MACROD2: variants seen among roughly 807,000 people sequenced by gnomAD.
The protein encoded by MACROD2 is mono-ADP ribosylhydrolase 2, also known as ADP-ribose glycohydrolase MACROD2.
In MACROD2, 36 loss-of-function variants were observed where a neutral mutation model predicts 70.4. The observed-to-expected ratio is 0.51, with a 90% CI of 0.39 to 0.68. MACROD2 has a LOEUF of 0.68. Ranked by LOEUF, MACROD2 falls within the 30% of genes least tolerant of loss-of-function variation. MACROD2 has a pLI of 0.00. For synonymous variants in MACROD2, 172 were observed against 178.8 expected (o/e 0.96, Z 0.30); for missense variants, 496 against 538.4 (o/e 0.92, Z 0.78).
At chr20:15,767,297 T>C (rs543869508) in intron 8 of MACROD2, among the ~76,000 whole-genome samples, 2 of 152,338 alleles carry the variant, frequency 1.3e-5, no homozygotes, top group South Asian at 4.2e-4. Flanking sequence ...CTGGGGACAC[T>C]GTATTCAACC....
chr20:15,582,628 T>G (rs149439999), intron 8 of MACROD2, among the ~76,000 whole-genome samples: 2 of 152,352 alleles, frequency 1.3e-5, no homozygotes, highest in African/African-American at 2.4e-5. Flanking sequence ...CTACTTCTTT[T>G]ATGTCTTTTG....
intron 7 of MACROD2, among the ~76,000 whole-genome samples, chr20:15,458,640 A>T (rs2327919): frequency 0.5 from 64,300 of 128,232 alleles, 14,492 homozygotes; most frequent in African/African-American, 0.61. Context: ...TTTTTTTTTT[A>T]AAAAAAAAAA....
chr20:15,518,980 T>A lies in MACROD2; in HGVS notation c.645+19133T>A, dbSNP rs998114149. 3.9e-5 allele frequency among the ~76,000 whole-genome samples: 6 copies of A among 152,224 alleles called. No individual in the cohort carries two copies. In the South Asian group the frequency reaches 1.2e-3, roughly 31 times the overall value. On this transcript the variant is annotated intron_variant, in intron 8 of 17. Coordinates refer to ENST00000684519, the MANE Select transcript of MACROD2 (RefSeq NM_001351661.2). ...TTCAGTAAGAGTTAACATTTACTAT[T>A]TTCTATGTGCCGGACATTGTGCTAA... is the stretch of plus-strand genomic sequence containing the variant.
At chr20:14,038,352 A>G (rs2053346399) in intron 2 of MACROD2, among the ~76,000 whole-genome samples, 1 of 152,170 alleles carries the variant, frequency 6.6e-6, no homozygotes, top group Non-Finnish European at 1.5e-5. Context: ...TGCCAGGTAT[A>G]GTTGTGTTTT....
rs181569869 is a variant in MACROD2 at position 14,271,017 on chromosome 20, G to T, written c.271+185289G>T. ...TTCTAACTGGGTGGAGCCCACCACA[G>T]CTCAAGGAGGCCTGCCTGCCTCTGT... On this transcript the variant is annotated intron_variant, in intron 3 of 17. Coordinates refer to ENST00000684519, the MANE Select transcript of MACROD2 (RefSeq NM_001351661.2). 5.7e-3 allele frequency among the ~76,000 whole-genome samples: 876 copies of T among 152,360 alleles called. 12 individuals carry two copies. The highest frequency in any genetic ancestry group is 0.034 in the Middle Eastern group (10 of 294).
At chr20:15,519,928 G>A (rs572435127) in intron 8 of MACROD2, among the ~76,000 whole-genome samples, 7 of 152,286 alleles carry the variant, frequency 4.6e-5, no homozygotes, top group Admixed American at 2.0e-4. Flanking sequence ...GTCAAGGGCC[G>A]ACCTGCAAAG....
intron 2 of MACROD2, among the ~76,000 whole-genome samples, chr20:14,062,137 C>A (rs1024785021): frequency 6.6e-6 from 1 of 152,052 alleles, no homozygotes; most frequent in African/African-American, 2.4e-5. Flanking sequence ...TTGATATAAG[C>A]CTTTCTATTA....
At chr20:14,719,156 C>T (rs1215408225) in intron 5 of MACROD2, among the ~76,000 whole-genome samples, 2 of 151,788 alleles carry the variant, frequency 1.3e-5, no homozygotes, top group Non-Finnish European at 2.9e-5. Flanking sequence ...CACTTGAACT[C>T]GGGAGGCAGA....
At chr20:14,772,805 A>G (rs1179860054) in intron 5 of MACROD2, among the ~76,000 whole-genome samples, 1 of 152,124 alleles carries the variant, frequency 6.6e-6, no homozygotes, top group Non-Finnish European at 1.5e-5. Context: ...CAGTGACATA[A>G]AAGAGAAAAG....
intron 7 of MACROD2, among the ~76,000 whole-genome samples, chr20:15,488,898 A>G (rs2047193858): frequency 1.3e-5 from 2 of 152,184 alleles, no homozygotes; most frequent in African/African-American, 4.8e-5. Context: ...CTTGCATAGA[A>G]TAGAATTTGT....
At chr20:15,567,514 G>A (rs2048326114) in intron 8 of MACROD2, among the ~76,000 whole-genome samples, 1 of 152,206 alleles carries the variant, frequency 6.6e-6, no homozygotes, top group African/African-American at 2.4e-5. Flanking sequence ...CACTCCCTGG[G>A]AGTAAATCAG....
At chr20:15,017,766 A>G (rs2075133049) in intron 5 of MACROD2, among the ~76,000 whole-genome samples, 2 of 152,194 alleles carry the variant, frequency 1.3e-5, no homozygotes, top group South Asian at 4.1e-4. Context: ...AAACTGCCAA[A>G]GCTTGGGGCT....
chr20:14,283,829 G>T lies in MACROD2; in HGVS notation c.271+198101G>T, dbSNP rs188907314. ...AAAAGAGAAGAATTTTTTAAAACTG[G>T]CTACAGTCTTCAAATTGCTTTTCCT... On this transcript the variant is annotated intron_variant, in intron 3 of 17. Coordinates refer to ENST00000684519, the MANE Select transcript of MACROD2 (RefSeq NM_001351661.2). Among the ~76,000 whole-genome samples, 4 of 152,208 alleles carry T rather than the reference G, an allele frequency of 2.6e-5. No individual in the cohort carries two copies. In the East Asian group the frequency reaches 7.7e-4, roughly 29 times the overall value.
At chr20:15,062,715 A>G (rs548856047) in intron 5 of MACROD2, among the ~76,000 whole-genome samples, 1 of 152,356 alleles carries the variant, frequency 6.6e-6, no homozygotes, top group East Asian at 1.9e-4. Flanking sequence ...CACTAGGCAC[A>G]CAACAGTGAA....
chr20:15,105,798 A>G (rs2123206742), intron 5 of MACROD2, among the ~76,000 whole-genome samples: 1 of 152,172 alleles, frequency 6.6e-6, no homozygotes, highest in Non-Finnish European at 1.5e-5. Context: ...ACTACTCACA[A>G]ATATTTTATT....
At chr20:15,085,974 A>T (rs1261559233) in intron 5 of MACROD2, among the ~76,000 whole-genome samples, 2 of 151,590 alleles carry the variant, frequency 1.3e-5, no homozygotes, top group African/African-American at 4.8e-5. Flanking sequence ...CCATATCAAC[A>T]CTGCTTGAAA....
At chr20:14,277,246 A>G (rs1253612714) in intron 3 of MACROD2, among the ~76,000 whole-genome samples, 6 of 152,094 alleles carry the variant, frequency 3.9e-5, no homozygotes, top group Non-Finnish European at 7.4e-5. Flanking sequence ...TCAGGAGAGT[A>G]AGACCATCCT....
intron 3 of MACROD2, among the ~76,000 whole-genome samples, chr20:14,120,253 G>T (rs577871306): frequency 2.7e-5 from 4 of 150,776 alleles, no homozygotes; most frequent in South Asian, 4.2e-4. Context: ...CATTTATGTG[G>T]CCAAAAAACA....
intron 6 of MACROD2, among the ~76,000 whole-genome samples, chr20:15,341,422 C>T (rs1271248740): frequency 6.6e-6 from 1 of 152,050 alleles, no homozygotes; most frequent in African/African-American, 2.4e-5. Flanking sequence ...CCAAAGACTA[C>T]CCCATGATAA....
Sources: gnomAD v4.1 joint callset for allele counts (sites outside exome capture counted in the v4.1 genomes callset) on GRCh38, gnomAD v4.1.1 for gene constraint, MANE v1.5 for transcripts, NCBI Gene and HGNC (gene_info 2026-07-23, HGNC 2026-07-21) for gene names.